The following DOK7 variants were observed in gnomAD, a reference collection of about 807,000 sequenced individuals.
The protein encoded by DOK7 is protein Dok-7.
DOK7 carries 32 observed loss-of-function variants against 30.7 expected under a neutral mutation model. The observed-to-expected ratio is 1.04, with a 90% CI of 0.79 to 1.40. The LOEUF is 1.40. Ranked by LOEUF, DOK7 falls within the 40% of genes most tolerant of loss-of-function variation. The pLI is 0.00. For missense variants in DOK7, 1,007 were observed against 699.2 expected, an observed-to-expected ratio of 1.44 and a Z score of -4.97; for synonymous variants, 447 against 324.1, an observed-to-expected ratio of 1.38 and a Z score of -4.07.
rs1327663848 is a variant in DOK7, at chr4:3,494,261, C to G, written c.*760C>G. 3 of 985,538 alleles carry G rather than the reference C, an allele frequency of 3.0e-6. No individual in the cohort carries two copies. Among genetic ancestry groups the G allele is most frequent in the Non-Finnish European group, 3.6e-6 (3 of 829,988 alleles). The allele number at this position is 985,538 out of a possible 1,614,324, so 61.0% of individuals were successfully genotyped here. Reference sequence around the variant, plus strand: ...CTCGCAGGGCCAAAGGCTGGCTTGGCCTGTGTTTCCCCTGGCCCAGGCCTC... The same window carrying G: ...CTCGCAGGGCCAAAGGCTGGCTTGGGCTGTGTTTCCCCTGGCCCAGGCCTC... On this transcript the variant is annotated 3_prime_UTR_variant, in exon 7 of 7. Transcript: ENST00000340083.
In DOK7 at chr4:3,493,752, AG is replaced by A; in HGVS notation, c.*252del. The A allele has an allele frequency of 2.8e-6, 4 of 1,408,030 alleles. No homozygotes were observed. In the South Asian group the frequency reaches 4.7e-5, roughly 17 times the overall value. 87.2% of individuals were successfully genotyped at this position (1,408,030 alleles called of 1,614,324 possible). ...CGGGGTCACCAGAGCCCCAATGCTC[AG>A]CTGCTTCACTCCGTGTCCCCCACCC... On this transcript the variant is annotated 3_prime_UTR_variant, in exon 7 of 7. Coordinates refer to ENST00000340083, the MANE Select transcript of DOK7 (RefSeq NM_173660.5).
downstream of DOK7, among the ~76,000 whole-genome samples, chr4:3,498,979 C>T (rs1729059766): frequency 6.6e-6 from 1 of 152,210 alleles, no homozygotes. Context: ...GTCTCCCTGG[C>T]CTCAGTTTCC....
intron 4 of DOK7, among the ~76,000 whole-genome samples, chr4:3,479,734 G>A (rs576038914): frequency 9.2e-5 from 14 of 152,332 alleles, no homozygotes; most frequent in South Asian, 4.1e-4. Flanking sequence ...GTGGAGACAG[G>A]CCTGGCTGGT....
intron 5 of DOK7, among the ~76,000 whole-genome samples, chr4:3,488,697 G>T (rs1402292549): frequency 1.3e-5 from 2 of 152,226 alleles, no homozygotes; most frequent in African/African-American, 4.8e-5. Flanking sequence ...TCCTGCAGGT[G>T]CCCCCAAGGT....
Position 3,493,776 on chromosome 4 carries a change from C to T in DOK7, c.*275C>T, listed in dbSNP as rs1728715312. 5 of 1,383,754 alleles carry T rather than the reference C, an allele frequency of 3.6e-6. No homozygotes were observed. The highest frequency in any genetic ancestry group is 2.8e-5 in the East Asian group (1 of 35,866). 85.7% of individuals were successfully genotyped at this position (1,383,754 alleles called of 1,614,324 possible). On this transcript the variant is annotated 3_prime_UTR_variant, in exon 7 of 7. Coordinates refer to ENST00000340083, the MANE Select transcript of DOK7 (RefSeq NM_173660.5). ...CAGCTGCTTCACTCCGTGTCCCCCA[C>T]CCCTGAGGATCAGGTGAGTGCTGCA...
At chr4:3,473,046 C>A (rs1175689983) in intron 2 of DOK7, among the ~76,000 whole-genome samples, 1 of 152,184 alleles carries the variant, frequency 6.6e-6, no homozygotes, top group Non-Finnish European at 1.5e-5. Flanking sequence ...CCACGCTGGG[C>A]CCCCAAGCCC....
chr4:3,491,244 C>A (rs927695540), intron 6 of DOK7, among the ~76,000 whole-genome samples: 1 of 115,866 alleles, frequency 8.6e-6, no homozygotes, highest in Non-Finnish European at 1.7e-5. Flanking sequence ...TCTTTCATTC[C>A]TTCTCCCCTT....
At chr4:3,496,827 C>G, downstream of DOK7, 1 of 1,535,836 alleles carries the variant, frequency 6.5e-7, no homozygotes, top group Non-Finnish European at 8.7e-7. Context: ...TAGGGAGCGG[C>G]AGCCTCAGCC....
rs551818040 is a variant in DOK7 at position 3,468,721 on chromosome 4, C to T, written c.101-4685C>T. 1.1e-3 allele frequency among the ~76,000 whole-genome samples: 137 copies of T among 125,360 alleles called. 1 individual carries two copies. Among genetic ancestry groups the T allele is most frequent in the African/African-American group, 3.3e-3 (106 of 31,998 alleles). The allele number at this position is 125,360 out of a possible 152,430, so 82.2% of individuals were successfully genotyped here. A position where few individuals can be genotyped will look rare whatever the true frequency, so the allele number is the denominator to read the frequency against. On this transcript the variant is annotated intron_variant, in intron 2 of 6. Coordinates refer to ENST00000340083, the MANE Select transcript of DOK7 (RefSeq NM_173660.5). The stretch of plus-strand genomic sequence containing the variant: ...GTCTGTGTATGTGTGTGTATGTGTG[C>T]GTGCCTGTATGTCTGCCTGTGTATG...
At chr4:3,491,985 C>T (rs530913250) in intron 6 of DOK7, among the ~76,000 whole-genome samples, 16 of 152,370 alleles carry the variant, frequency 1.1e-4, no homozygotes, top group Middle Eastern at 3.4e-3. Flanking sequence ...TGGTCATCTC[C>T]CCTCCTGCCC....
chr4:3,493,645 C>CG lies in DOK7; in HGVS notation c.*145dup, dbSNP rs1728701923. 54 of 1,465,160 alleles carry CG rather than the reference C, an allele frequency of 3.7e-5. No individual in the cohort carries two copies. Among genetic ancestry groups the CG allele is most frequent in the Non-Finnish European group, 4.9e-5 (54 of 1,106,770 alleles). 90.8% of individuals were successfully genotyped at this position (1,465,160 alleles called of 1,614,324 possible). ...TCTCCCGGAGAGGGGAGCTGGAGGG[C>CG]GCGCCCTGTGGCTGCCACCGGAGGA... On this transcript the variant is annotated 3_prime_UTR_variant, in exon 7 of 7. Transcript: ENST00000340083.
At chr4:3,476,275 C>G in intron 3 of DOK7, 67 bp from the exon 4 acceptor site, 1 of 1,405,438 alleles carries the variant, frequency 7.1e-7, no homozygotes, top group Non-Finnish European at 9.7e-7. Context: ...GCCCTCTCAC[C>G]CCACCCGCCC....
chr4:3,468,513 TGTATGA>T (rs1252491164), intron 2 of DOK7, among the ~76,000 whole-genome samples: 1 of 142,892 alleles, frequency 7.0e-6, no homozygotes, highest in African/African-American at 2.8e-5. Flanking sequence ...CGTGTGTGCG[TGTATGA>T]GTGTGTGTGA....
chr4:3,493,513 C>A lies in DOK7; in HGVS notation c.*12C>A, dbSNP rs1363798112. ...ACCCCCCTCCTTGAGAGCCGCAGAT[C>A]CCGCCCCGCGGCTGCAAAGGGGCTG... On this transcript the variant is annotated 3_prime_UTR_variant, in exon 7 of 7. Transcript: ENST00000340083. 1.2e-6 allele frequency: 2 copies of A among 1,609,652 alleles called. No homozygotes were observed. The highest frequency in any genetic ancestry group is 2.2e-5 in the South Asian group (2 of 90,564).
intron 6 of DOK7, among the ~76,000 whole-genome samples, chr4:3,490,110 C>CCATTCATTCCTTTTCTCCCTGCT (rs1553848862): frequency 0.03 from 1,560 of 52,610 alleles, 106 homozygotes; most frequent in African/African-American, 0.12. Context: ...TTCTTCACCC[C>CCATTCATTCCTTTTCTCCCTGCT]CATTCATTCC....
rs1037224921 is a variant in DOK7, at chr4:3,493,040, C to G, written c.1054C>G (p.Leu352Val). The G allele has an allele frequency of 6.4e-7, 1 of 1,573,018 alleles. No individual in the cohort carries two copies. Among genetic ancestry groups the G allele is most frequent in the Non-Finnish European group, 8.6e-7 (1 of 1,164,218 alleles). Reference sequence around the variant, plus strand: ...CAGCCACTCCTCTTACTCCAGCAGCCTCTCGTCCTACGCGGGCAGCAGCCT... The same window carrying G: ...CAGCCACTCCTCTTACTCCAGCAGCGTCTCGTCCTACGCGGGCAGCAGCCT... Reference protein sequence around the residue: ...TGSHSSYSSSLSSYAGSSLDV... With the variant: ...TGSHSSYSSSVSSYAGSSLDV... The change falls in exon 7 of 7, where the codon CTC becomes GTC. Residue 352 changes from leucine to valine, a missense_variant. Transcript: ENST00000340083.
In DOK7 at chr4:3,476,396, C is replaced by T. The variant is rs1158650422; in HGVS notation, c.386C>T (p.Ala129Val). The T allele has an allele frequency of 4.3e-6, 7 of 1,613,142 alleles. No homozygotes were observed. The highest frequency in any genetic ancestry group is 1.3e-5 in the African/African-American group (1 of 74,886). ...GGCACCAAGTTGGAGAGCGGCCCGG[C>T]TACCCTGCACCTCTGCAATGATGTC... ...APGTKLESGP[A>V]TLHLCNDVLV... The change falls in exon 4 of 7, where the codon GCT (alanine) becomes GTT (valine). Residue 129 changes from alanine to valine, a missense_variant. Ala to Val is a moderately conservative substitution (Grantham distance 64). Transcript: ENST00000340083.
rs111866770 is a variant in DOK7 at position 3,500,708 on chromosome 4, C to T, written c.1278C>T (p.Leu426=). 4.6e-4 allele frequency: 700 copies of T among 1,535,822 alleles called. 6 individuals are homozygous for T. The African/African-American group carries it at 6.8e-3, about 15-fold the overall frequency. The change falls in exon 8 of 8, where the codon CTC becomes CTT. Residue 426 remains leucine, a synonymous_variant. Coordinates refer to the DOK7 transcript ENST00000643608. ...TTCTTTCAGGGGCTGGCGCCTCCCT[C>T]TACGCCCAGATCGACATCATGGCCA...
intron 6 of DOK7, among the ~76,000 whole-genome samples, chr4:3,490,412 C>CTG (rs1279807017): frequency 1.6e-5 from 1 of 63,032 alleles, no homozygotes; most frequent in Admixed American, 1.6e-4. Flanking sequence ...CTTTCACCCC[C>CTG]CCCACCGCCC....
Sources: gnomAD v4.1 joint callset for allele counts (sites outside exome capture counted in the v4.1 genomes callset) on GRCh38, gnomAD v4.1.1 for gene constraint, MANE v1.5 for transcripts, NCBI Gene and HGNC (gene_info 2026-07-23, HGNC 2026-07-21) for gene names.